INO80: variants seen among roughly 807,000 people sequenced by gnomAD.
INO80 encodes the protein chromatin-remodeling ATPase INO80.
INO80 carries 20 observed loss-of-function variants against 203.4 expected under a neutral mutation model. The observed-to-expected ratio is 0.10, with a 90% CI of 0.07 to 0.14. The LOEUF (loss-of-function observed/expected upper bound fraction) is 0.14. Among genes scored for constraint, INO80 ranks in the 10% least tolerant of loss-of-function variants. INO80 has a pLI of 1.00. For synonymous variants in INO80, 726 were observed against 685.2 expected, an observed-to-expected ratio of 1.06 and a Z score of -0.93; for missense variants, 1,419 against 1,914.4, an observed-to-expected ratio of 0.74 and a Z score of 4.83.
intron 14 of INO80, among the ~76,000 whole-genome samples, chr15:41,060,207 T>C (rs1251215487): frequency 1.3e-5 from 2 of 152,166 alleles, no homozygotes; most frequent in Non-Finnish European, 2.9e-5. Flanking sequence ...GTAAGCCTAG[T>C]ATGTGGTATA....
chr15:41,054,990 TATA>T (rs1040708002), intron 18 of INO80, among the ~76,000 whole-genome samples: 3 of 152,314 alleles, frequency 2.0e-5, no homozygotes, highest in South Asian at 4.1e-4. Flanking sequence ...CAAGCTAAAA[TATA>T]ATACTTTATG....
chr15:41,022,651 A>C (rs2044311843), intron 25 of INO80, among the ~76,000 whole-genome samples: 1 of 152,210 alleles, frequency 6.6e-6, no homozygotes, highest in Non-Finnish European at 1.5e-5. Context: ...GATGAAGCTG[A>C]ACTGAGTTTG....
intron 14 of INO80, among the ~76,000 whole-genome samples, chr15:41,067,319 C>A (rs933133126): frequency 6.6e-6 from 1 of 152,052 alleles, no homozygotes; most frequent in Non-Finnish European, 1.5e-5. Flanking sequence ...TTGTGATCCA[C>A]CCGCCTCACC....
intron 5 of INO80, among the ~76,000 whole-genome samples, chr15:41,091,046 T>G (rs2045633698): frequency 6.6e-6 from 1 of 151,302 alleles, no homozygotes; most frequent in Admixed American, 6.6e-5. Context: ...TGCCTCAGCC[T>G]CCTGAGTACC....
intron 28 of INO80, among the ~76,000 whole-genome samples, chr15:40,999,836 C>T (rs1286595102): frequency 2.0e-5 from 3 of 152,062 alleles, no homozygotes; most frequent in African/African-American, 7.2e-5. Flanking sequence ...TTTTTAGGGC[C>T]GTACTAATCT....
At chr15:41,114,744 C>A (rs480549) in intron 1 of INO80, among the ~76,000 whole-genome samples, 2 of 151,452 alleles carry the variant, frequency 1.3e-5, no homozygotes, top group African/African-American at 4.9e-5. Context: ...GTACTGATAC[C>A]TGCTACAACA....
chr15:41,005,930 T>C (rs1424214079), intron 27 of INO80, among the ~76,000 whole-genome samples: 2 of 145,862 alleles, frequency 1.4e-5, no homozygotes, highest in African/African-American at 5.1e-5. Flanking sequence ...GAACCTAATC[T>C]TATTCCTGTA....
chr15:41,106,144 A>G (rs1363569370), intron 1 of INO80, among the ~76,000 whole-genome samples: 3 of 152,118 alleles, frequency 2.0e-5, no homozygotes, highest in African/African-American at 7.2e-5. Flanking sequence ...CTGTAATGCC[A>G]GCACTTTGGG....
At chr15:41,052,552 A>G (rs983114239) in intron 19 of INO80, among the ~76,000 whole-genome samples, 4 of 151,898 alleles carry the variant, frequency 2.6e-5, no homozygotes, top group African/African-American at 9.7e-5. Context: ...GTACACCTGT[A>G]GACCCAGCTA....
intron 1 of INO80, among the ~76,000 whole-genome samples, chr15:41,101,498 C>T (rs1331592340): frequency 6.6e-6 from 1 of 151,970 alleles, no homozygotes; most frequent in Non-Finnish European, 1.5e-5. Context: ...CAATAGTTTC[C>T]TCTTACTTGC....
chr15:40,989,480 G>T (rs950814158), intron 29 of INO80, among the ~76,000 whole-genome samples: 1 of 152,130 alleles, frequency 6.6e-6, no homozygotes, highest in Non-Finnish European at 1.5e-5. Flanking sequence ...CCAATCAAAA[G>T]TCACCAAATC....
chr15:40,994,080 C>CT (rs2043849595), intron 29 of INO80, among the ~76,000 whole-genome samples: 1 of 152,188 alleles, frequency 6.6e-6, no homozygotes, highest in Non-Finnish European at 1.5e-5. Context: ...TCATACTACT[C>CT]TCCCCATAGT....
chr15:41,012,561 T>TTAAAAAAAAAAA (rs552096950), intron 27 of INO80, among the ~76,000 whole-genome samples: 2 of 90,848 alleles, frequency 2.2e-5, no homozygotes, highest in African/African-American at 8.3e-5. Context: ...AGACTCTTTT[T>TTAAAAAAAAAAA]AAAAAAAAAA....
chr15:41,077,391 A>G (rs1029726169), intron 9 of INO80, among the ~76,000 whole-genome samples: 2 of 151,604 alleles, frequency 1.3e-5, no homozygotes. Context: ...AAAGGCTGAA[A>G]GTATATTTTA....
At chr15:41,098,146 G>A (rs936855856) in intron 1 of INO80, among the ~76,000 whole-genome samples, 6 of 152,044 alleles carry the variant, frequency 3.9e-5, no homozygotes, top group African/African-American at 9.7e-5. Context: ...CACCACGCCC[G>A]GCCAACTAAG....
intron 14 of INO80, among the ~76,000 whole-genome samples, chr15:41,065,403 C>G (rs1299930153): frequency 1.3e-5 from 2 of 152,060 alleles, no homozygotes; most frequent in African/African-American, 4.8e-5. Flanking sequence ...CCACTGCACT[C>G]CAGCCTGGGC....
At chr15:41,096,449 C>G (rs1012567621) in intron 1 of INO80, 96 bp from the exon 2 acceptor site, 2 of 813,416 alleles carry the variant, frequency 2.5e-6, no homozygotes, top group Middle Eastern at 2.6e-4. Context: ...ATCAGACCTT[C>G]TAGAACACAA....
rs71104765 is a variant in INO80 at position 41,008,224 on chromosome 15, T to TACACACACAC, written c.3403-2547_3403-2538dup. Among the ~76,000 whole-genome samples, 1,230 of 148,908 alleles carry TACACACACAC rather than the reference T, an allele frequency of 8.3e-3. 5 individuals are homozygous for TACACACACAC. The highest frequency in any genetic ancestry group is 0.024 in the Middle Eastern group (7 of 294). On this transcript the variant is annotated intron_variant, in intron 27 of 35. Transcript: ENST00000648947. ...ATAAAGAATATGTGATATATATACA[T>TACACACACAC]ACACACACACACACACACACACACA...
rs1289619011 is a variant in INO80 at position 41,073,399 on chromosome 15, A to T, written c.1395+29T>A. The T allele has an allele frequency of 2.5e-6, 4 of 1,590,126 alleles. No homozygotes were observed. In the South Asian group the frequency reaches 4.4e-5, roughly 18 times the overall value. On this transcript the variant is annotated intron_variant, in intron 11 of 35. Coordinates refer to ENST00000648947, the MANE Select transcript of INO80 (RefSeq NM_017553.3). ...TTGTGGGGTATTTCCAGGGCCAATT[A>T]CAGTAAACCTTTCTATCTGAAGACT...
Sources: gnomAD v4.1 joint callset for allele counts (sites outside exome capture counted in the v4.1 genomes callset) on GRCh38, gnomAD v4.1.1 for gene constraint, MANE v1.5 for transcripts, NCBI Gene and HGNC (gene_info 2026-07-23, HGNC 2026-07-21) for gene names.